Variants in CAMKMT observed in about 807,000 individuals in gnomAD.
The protein encoded by CAMKMT is CaM KMT.
CAMKMT carries 53 observed loss-of-function variants against 48.0 expected under a neutral mutation model. That is an observed-to-expected ratio of 1.10 (90% CI 0.89 to 1.39). The LOEUF is 1.39. CAMKMT is among the 40% of genes most tolerant of loss of function. The pLI is 0.00. For missense variants in CAMKMT, 428 were observed against 402.7 expected (o/e 1.06, Z -0.54); for synonymous variants, 165 against 152.3 (o/e 1.08, Z -0.61).
At chr2:44,741,519 A>G (rs2104369096) in intron 7 of CAMKMT, among the ~76,000 whole-genome samples, 1 of 152,304 alleles carries the variant, frequency 6.6e-6, no homozygotes, top group African/African-American at 2.4e-5. Context: ...AGGTTAAATA[A>G]TTGCCTAAAC....
At chr2:44,746,536 G>A (rs1679924583) in intron 8 of CAMKMT, among the ~76,000 whole-genome samples, 1 of 152,166 alleles carries the variant, frequency 6.6e-6, no homozygotes, top group Non-Finnish European at 1.5e-5. Context: ...GGCAAACTGT[G>A]AAAGCTAGTC....
At chr2:44,391,759 A>T (rs1681363945) in intron 3 of CAMKMT, 1 of 153,010 alleles carries the variant, frequency 6.5e-6, no homozygotes, top group Admixed American at 6.5e-5. Flanking sequence ...GGCATGAATG[A>T]CTGTCTTAGC....
At chr2:44,412,239 G>T (rs1019902021) in intron 3 of CAMKMT, among the ~76,000 whole-genome samples, 2 of 152,162 alleles carry the variant, frequency 1.3e-5, no homozygotes, top group African/African-American at 4.8e-5. Context: ...TTCTACTCCC[G>T]TACATACAAT....
chr2:44,754,173 C>T, intron 9 of CAMKMT, 55 bp downstream of exon 9: 1 of 1,326,190 alleles, frequency 7.5e-7, no homozygotes, highest in Non-Finnish European at 1.1e-6. Context: ...TTAGTCTGTG[C>T]ACAAAGATGG....
chr2:44,589,268 T>C (rs1670110391), intron 3 of CAMKMT, among the ~76,000 whole-genome samples: 2 of 45,774 alleles, frequency 4.4e-5, no homozygotes, highest in Non-Finnish European at 4.6e-5. Context: ...GGTGGGGGGG[T>C]CAGCCCCCCG....
chr2:44,550,054 A>G (rs1337240285), intron 3 of CAMKMT, among the ~76,000 whole-genome samples: 4 of 152,210 alleles, frequency 2.6e-5, no homozygotes, highest in Non-Finnish European at 5.9e-5. Context: ...TCACAAAAAT[A>G]CCTTGATAAA....
chr2:44,373,248 TAATAATCTG>T (rs1485874419), intron 2 of CAMKMT, among the ~76,000 whole-genome samples: 1 of 152,222 alleles, frequency 6.6e-6, no homozygotes, highest in African/African-American at 2.4e-5. Context: ...ACCCTTCAAG[TAATAATCTG>T]AAAAATCAAG....
chr2:44,450,763 T>G (rs1003233644), intron 3 of CAMKMT, among the ~76,000 whole-genome samples: 16 of 152,268 alleles, frequency 1.1e-4, no homozygotes, highest in African/African-American at 3.8e-4. Context: ...ATTTTGGGTG[T>G]GAAAAATATT....
chr2:44,701,370 C>G (rs932784668), intron 3 of CAMKMT, among the ~76,000 whole-genome samples: 2 of 152,120 alleles, frequency 1.3e-5, no homozygotes, highest in African/African-American at 4.8e-5. Context: ...TTGATTTTCA[C>G]TGAGATAACT....
intron 2 of CAMKMT, 40 bp downstream of exon 2, chr2:44,372,928 T>G (rs777666668): frequency 6.6e-7 from 1 of 1,508,448 alleles, no homozygotes; most frequent in Admixed American, 2.0e-5. Flanking sequence ...AACACTAGAT[T>G]TCTCTTGGAT....
intron 3 of CAMKMT, among the ~76,000 whole-genome samples, chr2:44,660,793 G>A (rs1674639224): frequency 6.6e-6 from 1 of 152,092 alleles, no homozygotes. Context: ...GTATTTTGTA[G>A]AGACAGGGTC....
intron 3 of CAMKMT, among the ~76,000 whole-genome samples, chr2:44,655,531 T>C (rs183194410): frequency 6.6e-6 from 1 of 152,196 alleles, no homozygotes; most frequent in Admixed American, 6.5e-5. Context: ...GTCTTTTTAA[T>C]TAAGTGAAAG....
intron 3 of CAMKMT, among the ~76,000 whole-genome samples, chr2:44,429,808 A>C (rs1231482287): frequency 4.4e-5 from 1 of 22,900 alleles, no homozygotes; most frequent in Non-Finnish European, 1.3e-4. Context: ...ACTCCGTCTC[A>C]AAAAAAAAAA....
At chr2:44,392,679 A>G (rs1681462601) in intron 3 of CAMKMT, among the ~76,000 whole-genome samples, 1 of 152,002 alleles carries the variant, frequency 6.6e-6, no homozygotes, top group African/African-American at 2.4e-5. Flanking sequence ...TTCATTTATA[A>G]TATATTTAAT....
intron 3 of CAMKMT, among the ~76,000 whole-genome samples, chr2:44,525,645 C>G (rs779769125): frequency 1.3e-5 from 2 of 152,068 alleles, no homozygotes; most frequent in African/African-American, 4.8e-5. Flanking sequence ...CTGGTTTATA[C>G]CATCGTATGT....
intron 3 of CAMKMT, among the ~76,000 whole-genome samples, chr2:44,529,597 G>C (rs1666358559): frequency 6.6e-6 from 1 of 152,202 alleles, no homozygotes; most frequent in African/African-American, 2.4e-5. Context: ...TGAGGTGGCA[G>C]CCATTCTGCA....
intron 3 of CAMKMT, among the ~76,000 whole-genome samples, chr2:44,397,978 T>G (rs1310518409): frequency 6.6e-6 from 1 of 152,236 alleles, no homozygotes; most frequent in Admixed American, 6.5e-5. Flanking sequence ...ATTTAGGTAC[T>G]TCCAAGTTTT....
intron 3 of CAMKMT, among the ~76,000 whole-genome samples, chr2:44,695,352 T>G (rs147413611): frequency 1.3e-5 from 2 of 152,146 alleles, no homozygotes; most frequent in African/African-American, 2.4e-5. Context: ...GTCTTGTACG[T>G]CCTTCTCCTA....
intron 2 of CAMKMT, among the ~76,000 whole-genome samples, chr2:44,376,402 G>C (rs78796627): frequency 0.054 from 7,973 of 146,904 alleles, 279 homozygotes; most frequent in South Asian, 0.13. Flanking sequence ...GCCTGGTGAC[G>C]AAGTGAGACT....
Sources: gnomAD v4.1 joint callset for allele counts (sites outside exome capture counted in the v4.1 genomes callset) on GRCh38, gnomAD v4.1.1 for gene constraint, MANE v1.5 for transcripts, NCBI Gene and HGNC (gene_info 2026-07-23, HGNC 2026-07-21) for gene names.